The following CNTNAP5 variants were observed in gnomAD, a reference collection of about 807,000 sequenced individuals.
CNTNAP5 encodes the protein contactin associated protein family member 5, also known as contactin-associated protein-like 5.
Under a neutral mutation model 150.2 loss-of-function variants are expected in CNTNAP5, and 72 were observed. The observed-to-expected ratio is 0.48, with a 90% CI of 0.40 to 0.58. The LOEUF is 0.58. Ranked by LOEUF, CNTNAP5 falls within the 20% of genes least tolerant of loss-of-function variation. CNTNAP5 has a pLI of 0.00. For missense variants in CNTNAP5, 1,636 were observed against 1,626.2 expected, an observed-to-expected ratio of 1.01 and a Z score of -0.10; for synonymous variants, 672 against 619.8, an observed-to-expected ratio of 1.08 and a Z score of -1.25.
chr2:124,391,412 G>A (rs1214767261), intron 3 of CNTNAP5, among the ~76,000 whole-genome samples: 16 of 152,156 alleles, frequency 1.1e-4, no homozygotes, highest in Non-Finnish European at 1.2e-4. Context: ...TCTTTGTGAT[G>A]TTTTGACCTG....
chr2:124,622,728 C>T (rs532932194), intron 12 of CNTNAP5, among the ~76,000 whole-genome samples: 1 of 152,296 alleles, frequency 6.6e-6, no homozygotes, highest in South Asian at 2.1e-4. Context: ...CACTCACACA[C>T]ACACTCACAC....
intron 1 of CNTNAP5, among the ~76,000 whole-genome samples, chr2:124,145,812 T>TAAAAAAAAAAAAAAAAAAAAA: frequency 1.4e-4 from 9 of 64,186 alleles, no homozygotes; most frequent in African/African-American, 2.1e-4. Flanking sequence ...AAAAAAACAT[T>TAAAAAAAAAAAAAAAAAAAAA]AAAAAAAAAA....
intron 3 of CNTNAP5, among the ~76,000 whole-genome samples, chr2:124,317,471 G>A (rs1242936346): frequency 1.3e-5 from 2 of 152,090 alleles, no homozygotes; most frequent in African/African-American, 4.8e-5. Flanking sequence ...TGCTCACAAA[G>A]GCTGCCTGCC....
chr2:124,424,722 C>T (rs942306846), intron 4 of CNTNAP5, among the ~76,000 whole-genome samples: 1 of 152,090 alleles, frequency 6.6e-6, no homozygotes, highest in African/African-American at 2.4e-5. Context: ...CAAACATTAC[C>T]CAGTAGGCTC....
intron 1 of CNTNAP5, among the ~76,000 whole-genome samples, chr2:124,075,099 G>C (rs1295407055): frequency 1.3e-4 from 19 of 151,648 alleles, no homozygotes. Flanking sequence ...AAATGAATAG[G>C]GATATGAAAA....
At chr2:124,897,541 C>T (rs1678330203) in intron 21 of CNTNAP5, among the ~76,000 whole-genome samples, 1 of 151,490 alleles carries the variant, frequency 6.6e-6, no homozygotes, top group South Asian at 2.1e-4. Context: ...AGAATCATGT[C>T]TGAGCAAGTT....
intron 3 of CNTNAP5, among the ~76,000 whole-genome samples, chr2:124,299,425 G>A (rs1383900950): frequency 1.3e-5 from 2 of 152,144 alleles, no homozygotes; most frequent in African/African-American, 2.4e-5. Context: ...TCTTATAAGT[G>A]AGAATATGCT....
At chr2:124,290,133 G>A (rs376773799) in intron 3 of CNTNAP5, among the ~76,000 whole-genome samples, 8 of 152,140 alleles carry the variant, frequency 5.3e-5, no homozygotes, top group South Asian at 4.2e-4. Context: ...CTATTAGGCC[G>A]GGTAGATCGC....
chr2:124,030,369 T>G (rs370397413), intron 1 of CNTNAP5, among the ~76,000 whole-genome samples: 49 of 152,122 alleles, frequency 3.2e-4, no homozygotes, highest in Admixed American at 9.2e-4. Context: ...ACAGATCCAG[T>G]TTACAGATGA....
chr2:124,791,368 TA>T (rs769348755), intron 18 of CNTNAP5, among the ~76,000 whole-genome samples: 12 of 152,182 alleles, frequency 7.9e-5, no homozygotes, highest in Non-Finnish European at 1.6e-4. Flanking sequence ...CATGGAAGCT[TA>T]AAATAAAACA....
chr2:124,844,249 T>C (rs1277119989), intron 19 of CNTNAP5, among the ~76,000 whole-genome samples: 1 of 151,956 alleles, frequency 6.6e-6, no homozygotes, highest in Non-Finnish European at 1.5e-5. Context: ...ATTATCCCAA[T>C]ACAATTTGTT....
chr2:124,164,308 C>G (rs985836250), intron 1 of CNTNAP5, among the ~76,000 whole-genome samples: 1 of 152,156 alleles, frequency 6.6e-6, no homozygotes, highest in Non-Finnish European at 1.5e-5. Context: ...GACTGGCTAT[C>G]TCCTCAAGGC....
intron 13 of CNTNAP5, among the ~76,000 whole-genome samples, chr2:124,698,335 C>G (rs11902093): frequency 0.41 from 61,299 of 150,314 alleles, 13,235 homozygotes; most frequent in African/African-American, 0.47. Context: ...GATGCAACTG[C>G]AAAACTCAAG....
At position 124,156,208 on chromosome 2, in the gene CNTNAP5, A is replaced by G. The variant is rs2104641895; in HGVS notation, c.83-65497A>G. Reference sequence around the variant, plus strand: ...TAAAGAGACAGTTTGGAATTCCAGCAAGACCAGTGTGGAGCAGCAGGAGGG... The same window carrying G: ...TAAAGAGACAGTTTGGAATTCCAGCGAGACCAGTGTGGAGCAGCAGGAGGG... On this transcript the variant is annotated intron_variant, in intron 1 of 23. Transcript: ENST00000682447. 1.3e-5 allele frequency among the ~76,000 whole-genome samples: 2 copies of G among 152,346 alleles called. 1 individual carries two copies. The highest frequency in any genetic ancestry group is 4.1e-4 in the South Asian group (2 of 4,824).
intron 1 of CNTNAP5, among the ~76,000 whole-genome samples, chr2:124,124,453 A>T (rs1372491487): frequency 4.6e-5 from 7 of 152,194 alleles, no homozygotes; most frequent in Non-Finnish European, 8.8e-5. Context: ...TACCTAAAAG[A>T]GACGGGGAGA....
intron 1 of CNTNAP5, among the ~76,000 whole-genome samples, chr2:124,198,317 A>T (rs1219030151): frequency 6.6e-6 from 1 of 152,096 alleles, no homozygotes; most frequent in African/African-American, 2.4e-5. Flanking sequence ...ATGGTTGCCA[A>T]AATTATCTTT....
chr2:124,836,987 C>T (rs149050664), intron 19 of CNTNAP5, among the ~76,000 whole-genome samples: 133 of 152,040 alleles, frequency 8.7e-4, no homozygotes, highest in African/African-American at 2.9e-3. Flanking sequence ...GGAGCAAAGC[C>T]CTCACAACCC....
At chr2:124,122,075 A>C (rs1683575674) in intron 1 of CNTNAP5, among the ~76,000 whole-genome samples, 1 of 152,130 alleles carries the variant, frequency 6.6e-6, no homozygotes, top group Middle Eastern at 3.2e-3. Flanking sequence ...GGATTTATTA[A>C]AGATGGGATT....
At chr2:124,368,030 T>C (rs1351163909) in intron 3 of CNTNAP5, among the ~76,000 whole-genome samples, 1 of 152,202 alleles carries the variant, frequency 6.6e-6, no homozygotes, top group Non-Finnish European at 1.5e-5. Flanking sequence ...AATTCAGTTA[T>C]ATGGAACTAT....
Sources: gnomAD v4.1 joint callset for allele counts (sites outside exome capture counted in the v4.1 genomes callset) on GRCh38, gnomAD v4.1.1 for gene constraint, MANE v1.5 for transcripts, NCBI Gene and HGNC (gene_info 2026-07-23, HGNC 2026-07-21) for gene names.